MACROD2: variants seen among roughly 807,000 people sequenced by gnomAD.
MACROD2 encodes the protein ADP-ribose glycohydrolase MACROD2.
In MACROD2, 36 loss-of-function variants were observed where a neutral mutation model predicts 70.4. That is an observed-to-expected ratio of 0.51 (90% confidence interval 0.39 to 0.68). The LOEUF is 0.68. MACROD2 is among the 30% of genes least tolerant of loss of function. The pLI, the probability that MACROD2 is intolerant of heterozygous loss-of-function variation, is 0.00. For synonymous variants in MACROD2, 172 were observed against 178.8 expected (o/e 0.96, Z 0.30); for missense variants, 496 against 538.4 (o/e 0.92, Z 0.78).
At chr20:15,519,051 GCTCT>G (rs1231173440) in intron 8 of MACROD2, among the ~76,000 whole-genome samples, 1 of 145,194 alleles carries the variant, frequency 6.9e-6, no homozygotes, top group Non-Finnish European at 1.5e-5. Context: ...CTGTTAACTC[GCTCT>G]TTCCTTCCTT....
At chr20:15,444,929 CAT>C (rs2046542783) in intron 7 of MACROD2, among the ~76,000 whole-genome samples, 1 of 148,204 alleles carries the variant, frequency 6.7e-6, no homozygotes, top group Non-Finnish European at 1.5e-5. Context: ...ATCATAGTGT[CAT>C]ATATAAACAC....
chr20:15,313,738 A>G (rs960403888), intron 6 of MACROD2, among the ~76,000 whole-genome samples: 6 of 152,162 alleles, frequency 3.9e-5, no homozygotes, highest in African/African-American at 1.4e-4. Context: ...GTGGATGGGG[A>G]GGCTTTGAAA....
At chr20:15,598,836 A>T (rs1452872805) in intron 8 of MACROD2, among the ~76,000 whole-genome samples, 1 of 152,236 alleles carries the variant, frequency 6.6e-6, no homozygotes, top group African/African-American at 2.4e-5. Context: ...CATGTTCTAA[A>T]TATCACATGG....
At chr20:15,558,525 G>T (rs968629169) in intron 8 of MACROD2, among the ~76,000 whole-genome samples, 2 of 152,232 alleles carry the variant, frequency 1.3e-5, no homozygotes, top group African/African-American at 4.8e-5. Flanking sequence ...AGGTGCTGGG[G>T]TTCCCCCAAC....
chr20:14,205,891 T>C (rs2081519203), intron 3 of MACROD2, among the ~76,000 whole-genome samples: 1 of 152,370 alleles, frequency 6.6e-6, no homozygotes, highest in South Asian at 2.1e-4. Context: ...CTAATTCTTT[T>C]ATTATTGAGC....
chr20:15,961,305 T>C (rs12624676), intron 12 of MACROD2, among the ~76,000 whole-genome samples: 9,118 of 152,238 alleles, frequency 0.06, 436 homozygotes, highest in East Asian at 0.23. Context: ...ATACAGGTCT[T>C]TGAAGCTCAA....
chr20:14,310,522 AG>A (rs2082557752), intron 3 of MACROD2, among the ~76,000 whole-genome samples: 1 of 152,210 alleles, frequency 6.6e-6, no homozygotes, highest in Non-Finnish European at 1.5e-5. Context: ...CCATGCTGCC[AG>A]GTGTATAAAA....
chr20:15,324,451 CA>C (rs2077906138), intron 6 of MACROD2, among the ~76,000 whole-genome samples: 1 of 152,116 alleles, frequency 6.6e-6, no homozygotes. Flanking sequence ...TTATATATAT[CA>C]GCAGCTAACG....
chr20:15,349,539 G>A (rs948932761), intron 6 of MACROD2, among the ~76,000 whole-genome samples: 3 of 151,974 alleles, frequency 2.0e-5, no homozygotes, highest in Non-Finnish European at 2.9e-5. Flanking sequence ...GGTGGATCAC[G>A]AGGTCAGGAG....
chr20:14,859,448 T>C (rs889059316), intron 5 of MACROD2, among the ~76,000 whole-genome samples: 1 of 152,162 alleles, frequency 6.6e-6, no homozygotes, highest in South Asian at 2.1e-4. Flanking sequence ...TCATAAATGC[T>C]AGTCGTTGTT....
intron 3 of MACROD2, among the ~76,000 whole-genome samples, chr20:14,465,011 GT>G (rs1872540320): frequency 1.3e-5 from 2 of 152,106 alleles, no homozygotes; most frequent in South Asian, 4.1e-4. Flanking sequence ...TGTATATTCT[GT>G]TGATTTGGGG....
At chr20:15,832,382 A>C (rs2064066085) in intron 8 of MACROD2, among the ~76,000 whole-genome samples, 1 of 152,126 alleles carries the variant, frequency 6.6e-6, no homozygotes, top group South Asian at 2.1e-4. Context: ...AGGCAACCTA[A>C]ATGTTCTCAA....
At chr20:15,726,071 T>C (rs2050858309) in intron 8 of MACROD2, among the ~76,000 whole-genome samples, 2 of 152,104 alleles carry the variant, frequency 1.3e-5, no homozygotes, top group African/African-American at 2.4e-5. Context: ...TTTGAATCGC[T>C]CTCTTCTCTC....
chr20:15,053,127 G>A (rs2075455815), intron 5 of MACROD2, among the ~76,000 whole-genome samples: 2 of 152,174 alleles, frequency 1.3e-5, no homozygotes, highest in Non-Finnish European at 2.9e-5. Flanking sequence ...AATGAAAGAA[G>A]CCATCTCTGT....
intron 6 of MACROD2, among the ~76,000 whole-genome samples, chr20:15,324,003 G>A (rs1169210728): frequency 6.6e-6 from 1 of 151,900 alleles, no homozygotes; most frequent in African/African-American, 2.4e-5. Flanking sequence ...TGATGCTCAT[G>A]CTTGTGCTTC....
intron 15 of MACROD2, among the ~76,000 whole-genome samples, chr20:15,992,985 A>G (rs1174404525): frequency 6.6e-6 from 1 of 152,222 alleles, no homozygotes. Context: ...TGTTTTACAT[A>G]TATGATCCTG....
At chr20:14,517,554 G>A (rs879667460) in intron 4 of MACROD2, among the ~76,000 whole-genome samples, 2 of 152,134 alleles carry the variant, frequency 1.3e-5, no homozygotes, top group Admixed American at 1.3e-4. Flanking sequence ...GGGGACTAGG[G>A]GAGGGATAGC....
chr20:14,000,103 A>G (rs577202807), intron 1 of MACROD2, among the ~76,000 whole-genome samples: 2 of 152,138 alleles, frequency 1.3e-5, no homozygotes, highest in Non-Finnish European at 2.9e-5. Context: ...TTGTTTTCCT[A>G]TTTGTGCCCA....
At chr20:14,102,539 T>C (rs772982629) in intron 3 of MACROD2, among the ~76,000 whole-genome samples, 1 of 152,154 alleles carries the variant, frequency 6.6e-6, no homozygotes, top group African/African-American at 2.4e-5. Flanking sequence ...AACCACCTCC[T>C]GCCTCTCTGC....
Sources: gnomAD v4.1 joint callset for allele counts (sites outside exome capture counted in the v4.1 genomes callset) on GRCh38, gnomAD v4.1.1 for gene constraint, MANE v1.5 for transcripts, NCBI Gene and HGNC (gene_info 2026-07-23, HGNC 2026-07-21) for gene names.